Variants in CAPZB observed in about 807,000 individuals in gnomAD.
CAPZB encodes capping actin protein of muscle Z-line subunit beta, also known as F-actin-capping protein subunit beta.
Under a neutral mutation model 38.1 loss-of-function variants are expected in CAPZB, and 2 were observed. The observed-to-expected ratio is 0.05, with a 90% CI of 0.02 to 0.17. The LOEUF is 0.17. Ranked by LOEUF, CAPZB falls within the 10% of genes least tolerant of loss-of-function variation. CAPZB has a pLI of 1.00. For synonymous variants in CAPZB, 107 were observed against 127.4 expected (o/e 0.84, Z 1.08); for missense variants, 161 against 334.2 (o/e 0.48, Z 4.04).
At chr1:19,348,043 C>T (rs770101509) in intron 6 of CAPZB, among the ~76,000 whole-genome samples, 65 of 152,140 alleles carry the variant, frequency 4.3e-4, no homozygotes, top group Non-Finnish European at 8.2e-4. Flanking sequence ...TCAAGTTTGA[C>T]AAGGATGAGA....
At position 19,447,139 on chromosome 1, in the gene CAPZB, C is replaced by T. The variant is rs540776485; in HGVS notation, c.4-27389G>A. ...CCAGCCCTCACTGGGTGCAAGCTCT[C>T]TCTTTCTTCTATCATCCTTCTGCAG... On this transcript the variant is annotated intron_variant, in intron 1 of 8. Transcript: ENST00000264202. 1.2e-4 allele frequency among the ~76,000 whole-genome samples: 19 copies of T among 152,230 alleles called. 1 individual carries two copies. Among genetic ancestry groups the T allele is most frequent in the African/African-American group, 3.9e-4 (16 of 41,550 alleles).
At chr1:19,420,066 A>G (rs2094395455) in intron 1 of CAPZB, 2 of 298,758 alleles carry the variant, frequency 6.7e-6, no homozygotes, top group South Asian at 1.1e-4. Flanking sequence ...GTGGCTGCAG[A>G]TGTCGTGCCC....
chr1:19,398,892 T>C (rs543853783), intron 2 of CAPZB, among the ~76,000 whole-genome samples: 1 of 150,764 alleles, frequency 6.6e-6, no homozygotes, highest in African/African-American at 2.4e-5. Flanking sequence ...TTTTTTTTTT[T>C]TGTCACCCAG....
At chr1:19,482,894 G>A (rs766149934) in intron 1 of CAPZB, among the ~76,000 whole-genome samples, 9 of 152,172 alleles carry the variant, frequency 5.9e-5, no homozygotes, top group East Asian at 1.9e-4. Flanking sequence ...GGGGATAAAC[G>A]TAACAATAAG....
Position 19,431,983 on chromosome 1 carries a change from C to A in CAPZB, c.4-12233G>T, listed in dbSNP as rs1257904070. Among the ~76,000 whole-genome samples, 46 of 124,332 alleles carry A rather than the reference C, an allele frequency of 3.7e-4. 1 individual carries two copies. The highest frequency in any genetic ancestry group is 1.4e-3 in the African/African-American group (43 of 31,188). 81.6% of individuals were successfully genotyped at this position (124,332 alleles called of 152,430 possible). On this transcript the variant is annotated intron_variant, in intron 1 of 8. Transcript: ENST00000264202. ...GTCCCAGCTACTCGGGAGGCTGGGG[C>A]GGAAAGATCACCTGAGGTTGAGGCT...
At chr1:19,484,184 G>C (rs1266262051) in intron 1 of CAPZB, 2 of 1,610,990 alleles carry the variant, frequency 1.2e-6, no homozygotes, top group Non-Finnish European at 1.7e-6. Flanking sequence ...TAGGCGTTCT[G>C]CTCACCTGAT....
chr1:19,383,526 T>C (rs555651711), intron 3 of CAPZB, among the ~76,000 whole-genome samples: 2 of 151,692 alleles, frequency 1.3e-5, no homozygotes, highest in African/African-American at 4.9e-5. Flanking sequence ...TTCGCATCAC[T>C]GCACTACAGC....
At chr1:19,381,365 A>G (rs1439445662) in intron 3 of CAPZB, among the ~76,000 whole-genome samples, 2 of 149,070 alleles carry the variant, frequency 1.3e-5, no homozygotes, top group Non-Finnish European at 3.0e-5. Flanking sequence ...CCTCGACTGC[A>G]AGAGGTCTTT....
At chr1:19,383,420 C>G (rs1266385130) in intron 3 of CAPZB, among the ~76,000 whole-genome samples, 1 of 139,982 alleles carries the variant, frequency 7.1e-6, no homozygotes, top group Non-Finnish European at 1.5e-5. Flanking sequence ...GCACTCCAAC[C>G]TGGACAACAG....
chr1:19,453,201 A>G (rs1246018177), intron 1 of CAPZB, among the ~76,000 whole-genome samples: 1 of 152,120 alleles, frequency 6.6e-6, no homozygotes, highest in East Asian at 1.9e-4. Flanking sequence ...CCTGGCATAC[A>G]GGCCCGGTGT....
rs144378466 is a variant in CAPZB, at chr1:19,477,280, C to T, written c.3+8156G>A. On this transcript the variant is annotated intron_variant, in intron 1 of 8. Transcript: ENST00000264202. ...CCACACCCCAGCCCATCCTCTCTGC[C>T]TGAACAAGGTCTCAAATCTCAGGAC... 3.6e-3 allele frequency among the ~76,000 whole-genome samples: 553 copies of T among 152,302 alleles called. 7 individuals carry two copies. The highest frequency in any genetic ancestry group is 0.012 in the African/African-American group (517 of 41,562).
At chr1:19,383,438 C>A (rs2094186413) in intron 3 of CAPZB, among the ~76,000 whole-genome samples, 1 of 116,822 alleles carries the variant, frequency 8.6e-6, no homozygotes, top group Non-Finnish European at 1.7e-5. Flanking sequence ...CAGAGTGAGA[C>A]TCTGTCTCAA....
intron 2 of CAPZB, 85 bp from the exon 3 acceptor site, chr1:19,385,711 T>C: frequency 6.5e-7 from 1 of 1,550,036 alleles, no homozygotes; most frequent in Non-Finnish European, 8.9e-7. Flanking sequence ...AGCCATATTG[T>C]GGTCAGTACC....
intron 4 of CAPZB, among the ~76,000 whole-genome samples, chr1:19,369,541 G>A (rs1462871993): frequency 6.6e-6 from 1 of 152,244 alleles, no homozygotes; most frequent in East Asian, 1.9e-4. Context: ...TGCGCACATG[G>A]CTGAAGACAC....
chr1:19,461,438 T>C (rs956043191), intron 1 of CAPZB, among the ~76,000 whole-genome samples: 1 of 152,230 alleles, frequency 6.6e-6, no homozygotes, highest in South Asian at 2.1e-4. Context: ...TCACCCAGCC[T>C]GAGCTGAGCA....
At chr1:19,348,984 AG>A (rs2093977485) in intron 6 of CAPZB, among the ~76,000 whole-genome samples, 1 of 152,112 alleles carries the variant, frequency 6.6e-6, no homozygotes, top group East Asian at 1.9e-4. Context: ...CTCAGACCCC[AG>A]GGGGTCTCCA....
chr1:19,425,853 A>G (rs935062601), intron 1 of CAPZB, among the ~76,000 whole-genome samples: 11 of 152,240 alleles, frequency 7.2e-5, no homozygotes, highest in African/African-American at 2.7e-4. Context: ...CCATCAAGTG[A>G]GATGTAACCA....
intron 1 of CAPZB, among the ~76,000 whole-genome samples, chr1:19,426,446 G>T (rs546466547): frequency 3.3e-5 from 5 of 152,038 alleles, no homozygotes; most frequent in African/African-American, 7.2e-5. Flanking sequence ...GGTGGGGCGG[G>T]GGGGGGCTGT....
At chr1:19,412,109 CT>C (rs1165975912) in intron 2 of CAPZB, among the ~76,000 whole-genome samples, 1 of 152,200 alleles carries the variant, frequency 6.6e-6, no homozygotes, top group Admixed American at 6.5e-5. Flanking sequence ...CTGCTGGAGG[CT>C]TTTGGCTGGA....
Sources: gnomAD v4.1 joint callset for allele counts (sites outside exome capture counted in the v4.1 genomes callset) on GRCh38, gnomAD v4.1.1 for gene constraint, MANE v1.5 for transcripts, NCBI Gene and HGNC (gene_info 2026-07-23, HGNC 2026-07-21) for gene names.